The following SLC46A1 variants were observed in gnomAD, a reference collection of about 807,000 sequenced individuals.
SLC46A1 encodes the protein proton-coupled folate transporter.
SLC46A1 carries 17 observed loss-of-function variants against 32.1 expected under a neutral mutation model. The ratio of observed to expected loss-of-function variants is 0.53; its 90% CI spans 0.36 to 0.79. The LOEUF is 0.79. Ranked by LOEUF, SLC46A1 falls within the 30% of genes least tolerant of loss-of-function variation. SLC46A1 has a pLI of 0.00. For synonymous variants in SLC46A1, 240 were observed against 262.7 expected, an observed-to-expected ratio of 0.91 and a Z score of 0.84; for missense variants, 517 against 588.2, an observed-to-expected ratio of 0.88 and a Z score of 1.25.
At position 28,405,421 on chromosome 17, in the gene SLC46A1, G is replaced by A; in HGVS notation, c.276C>T (p.Gly92=). The stretch of plus-strand genomic sequence containing the variant: ...ACGAGAAGAGCCCCACCAGGAAGCC[G>A]CCCACGTTCATGTAGAGGGTCCAGT... ...TSHWTLYMNV[G]GFLVGLFSST... Residue 92 remains glycine, a synonymous_variant, in exon 2 of 5, where the codon GGC becomes GGT. Coordinates refer to ENST00000612814, the MANE Select transcript of SLC46A1 (RefSeq NM_080669.6). 6.3e-7 allele frequency: 1 copy of A among 1,592,508 alleles called. No individual in the cohort carries two copies. The highest frequency in any genetic ancestry group is 8.5e-7 in the Non-Finnish European group (1 of 1,170,288).
chr17:28,404,235 T>G (rs2068228040), intron 2 of SLC46A1: 1 of 244,718 alleles, frequency 4.1e-6, no homozygotes, highest in Non-Finnish European at 8.2e-6. Context: ...GTAGGTCCTG[T>G]GATTCTTATC....
intron 2 of SLC46A1, chr17:28,402,736 G>A (rs2068211785): frequency 1.2e-5 from 2 of 165,286 alleles, no homozygotes; most frequent in South Asian, 3.4e-4. Context: ...CTGACTCCCT[G>A]TATGAGGAAG....
chr17:28,403,189 C>G (rs2068217820), intron 2 of SLC46A1: 1 of 152,230 alleles, frequency 6.6e-6, no homozygotes, highest in Non-Finnish European at 1.5e-5. Flanking sequence ...CTTCTGGCCT[C>G]CAGAACTGTG....
In SLC46A1 at chr17:28,397,592, C is replaced by T. The variant is rs1268719254; in HGVS notation, c.*2064G>A. 2.0e-5 allele frequency: 3 copies of T among 152,244 alleles called. No individual in the cohort carries two copies. In the East Asian group the frequency reaches 5.8e-4, roughly 29 times the overall value. 9.4% of individuals were successfully genotyped at this position (152,244 alleles called of 1,614,324 possible). A position where few individuals can be genotyped will look rare whatever the true frequency, so the allele number is the denominator to read the frequency against. ...CCTAGGCCTCCTGGCACCCAGTCCA[C>T]TGGCAGTGGAATTGCTTTCCTGAGA... On this transcript the variant is annotated 3_prime_UTR_variant, in exon 5 of 5. Coordinates refer to ENST00000612814, the MANE Select transcript of SLC46A1 (RefSeq NM_080669.6).
rs572650603 is a variant in SLC46A1, at chr17:28,404,791, T to C, written c.906A>G (p.Lys302=). The C allele has an allele frequency of 2.9e-4, 467 of 1,613,854 alleles. 5 individuals carry two copies. In the South Asian group the frequency reaches 4.9e-3, roughly 17 times the overall value. The change falls in exon 2 of 5, where the codon AAA becomes AAG. Residue 302 remains lysine (K), a synonymous_variant. Coordinates refer to ENST00000612814, the MANE Select transcript of SLC46A1 (RefSeq NM_080669.6). ...GAGCTGCAGAACCATAGCCGATTAG[T>C]TTGGAGTCCCAGCAGAGGGGTGTGC... ...ELSTPLCWDS[K]LIGYGSAAQH...
chr17:28,405,961 T>A lies in SLC46A1; in HGVS notation c.154A>T (p.Ser52Cys). Reference protein sequence around the residue: ...LTTQYLWHRFSADLGYNGTRQ... With the variant: ...LTTQYLWHRFCADLGYNGTRQ... ...GTGCCATTGTAGCCGAGGTCGGCGCTGAAGCGGTGCCACAGATACTGCGTG... is the reference window on the plus strand; with the variant it reads ...GTGCCATTGTAGCCGAGGTCGGCGCAGAAGCGGTGCCACAGATACTGCGTG... Residue 52 changes from serine to cysteine, a missense_variant, in exon 1 of 5, where the codon AGC becomes TGC. Transcript: ENST00000612814. The A allele has an allele frequency of 6.2e-7, 1 of 1,611,626 alleles. No homozygotes were observed. Among genetic ancestry groups the A allele is most frequent in the Non-Finnish European group, 8.5e-7 (1 of 1,179,266 alleles).
rs1043294013 is a variant in SLC46A1 at position 28,395,625 on chromosome 17, C to G, written c.*4031G>C. ...TCTAGGCTACCCCCATAGCACCCCCCGGGCCCCCAGTGGGGAATCATCTCT... is the reference window on the plus strand; with the variant it reads ...TCTAGGCTACCCCCATAGCACCCCCGGGGCCCCCAGTGGGGAATCATCTCT... On this transcript the variant is annotated 3_prime_UTR_variant, in exon 5 of 5. Transcript: ENST00000612814. 5.5e-5 allele frequency: 21 copies of G among 379,220 alleles called. No individual in the cohort carries two copies. The highest frequency in any genetic ancestry group is 1.0e-4 in the Non-Finnish European group (21 of 204,688). 23.5% of individuals were successfully genotyped at this position (379,220 alleles called of 1,614,324 possible). A position where few individuals can be genotyped will look rare whatever the true frequency, so the allele number is the denominator to read the frequency against.
In SLC46A1 at chr17:28,395,634, A is replaced by C; in HGVS notation, c.*4022T>G. On this transcript the variant is annotated 3_prime_UTR_variant, in exon 5 of 5. Transcript: ENST00000612814. ...CCCCCATAGCACCCCCCGGGCCCCC[A>C]GTGGGGAATCATCTCTTTAGCATAC... The C allele has an allele frequency of 5.4e-6, 2 of 371,558 alleles. No homozygotes were observed. Among genetic ancestry groups the C allele is most frequent in the East Asian group, 1.1e-4 (2 of 18,650 alleles). The allele number at this position is 371,558 out of a possible 1,614,324, so 23.0% of individuals were successfully genotyped here.
rs886052753 is a variant in SLC46A1 at position 28,399,652 on chromosome 17, C to A, written c.*4G>T. On this transcript the variant is annotated 3_prime_UTR_variant, in exon 5 of 5. Coordinates refer to ENST00000612814, the MANE Select transcript of SLC46A1 (RefSeq NM_080669.6). ...CTTGCCCTCTGTCTTCTGGTCCAGG[C>A]AGATCAGGGGCTCTGGGGAAACTGC... is the stretch of plus-strand genomic sequence containing the variant. The A allele has an allele frequency of 6.2e-7, 1 of 1,613,982 alleles. No homozygotes were observed. The highest frequency in any genetic ancestry group is 1.6e-4 in the Middle Eastern group (1 of 6,062).
chr17:28,402,112 G>A, intron 3 of SLC46A1, 126 bp downstream of exon 3: 1 of 735,548 alleles, frequency 1.4e-6, no homozygotes, highest in Non-Finnish European at 2.2e-6. Context: ...TGTTTGTTTT[G>A]GCCACTTACT....
Position 28,405,894 on chromosome 17 carries a change from G to A in SLC46A1, c.221C>T (p.Thr74Ile), listed in dbSNP as rs2068255786. 1 of 1,591,504 alleles carries A rather than the reference G, an allele frequency of 6.3e-7. No homozygotes were observed. Among genetic ancestry groups the A allele is most frequent in the South Asian group, 1.1e-5 (1 of 87,830 alleles). The change falls in exon 1 of 5, where the codon ACC (threonine) becomes ATC (isoleucine). Residue 74 changes from threonine (T) to isoleucine (I), a missense_variant. Physicochemically the swap from Thr to Ile is moderately conservative, Grantham distance 89. Coordinates refer to ENST00000612814, the MANE Select transcript of SLC46A1 (RefSeq NM_080669.6). ...GGCSNRSADP[T>I]MQEVETLTSH... The stretch of plus-strand genomic sequence containing the variant: ...TCCTCGCCGCCCCGCTACCTGCATG[G>A]TGGGGTCCGCGCTGCGGTTGCTGCA...
In SLC46A1 at chr17:28,400,783, A is replaced by G. The variant is rs781817639; in HGVS notation, c.1166-17T>C. ...AGAGAGCACCTGTGAAGAAATAAAT[A>G]CCATACTCTGGAGTCCGAAAGGGCC... On this transcript the variant is annotated splice_polypyrimidine_tract_variant and intron_variant, in intron 3 of 4. Transcript: ENST00000612814. 28 of 1,553,080 alleles carry G rather than the reference A, an allele frequency of 1.8e-5. No homozygotes were observed. The highest frequency in any genetic ancestry group is 2.1e-5 in the Non-Finnish European group (24 of 1,148,394).
chr17:28,405,957 G>A lies in SLC46A1; in HGVS notation c.158C>T (p.Ala53Val), dbSNP rs41297069. The stretch of plus-strand genomic sequence containing the variant: ...GCGGGTGCCATTGTAGCCGAGGTCG[G>A]CGCTGAAGCGGTGCCACAGATACTG... Reference protein sequence around the residue: ...TTQYLWHRFSADLGYNGTRQR... With the variant: ...TTQYLWHRFSVDLGYNGTRQR... Residue 53 changes from alanine (A) to valine (V), a missense_variant, in exon 1 of 5, where the codon GCC becomes GTC. Transcript: ENST00000612814. The A allele has an allele frequency of 1.7e-4, 276 of 1,611,536 alleles. No individual in the cohort carries two copies. In the African/African-American group the frequency reaches 3.3e-3, roughly 19 times the overall value.
In SLC46A1 at chr17:28,395,856, T is replaced by C; in HGVS notation, c.*3800A>G. Reference sequence around the variant, plus strand: ...CCCAGCACCTGCCTGGCTACAAGGGTCCCTAGATGGGTACAGGGGTATCTT... The same window carrying C: ...CCCAGCACCTGCCTGGCTACAAGGGCCCCTAGATGGGTACAGGGGTATCTT... On this transcript the variant is annotated 3_prime_UTR_variant, in exon 5 of 5. Coordinates refer to ENST00000612814, the MANE Select transcript of SLC46A1 (RefSeq NM_080669.6). 1 of 1,606,534 alleles carries C rather than the reference T, an allele frequency of 6.2e-7. No individual in the cohort carries two copies. The highest frequency in any genetic ancestry group is 1.1e-5 in the South Asian group (1 of 90,956).
chr17:28,406,287 C>T (rs1555591444), upstream of SLC46A1: 1 of 486,354 alleles, frequency 2.1e-6, no homozygotes, highest in East Asian at 3.8e-5. The surrounding 1 kb of genome is among the most constrained non-coding windows in gnomAD (Gnocchi z 4.5). Context: ...GGACTCTCGC[C>T]GCGGGTGCAC....
rs2239911 is a variant in SLC46A1, at chr17:28,396,594, G to T, written c.*3062C>A. On this transcript the variant is annotated 3_prime_UTR_variant, in exon 5 of 5. Transcript: ENST00000612814. ...CTGGAGACACTGGAGTTGGGGTGGG[G>T]GTGGTTCTGCATTCCCTTCTCCTGC... The T allele has an allele frequency of 0.55, 201,661 of 369,682 alleles. 56,014 individuals carry two copies. The highest frequency in any genetic ancestry group is 0.74 in the East Asian group (14,726 of 19,794). 22.9% of individuals were successfully genotyped at this position (369,682 alleles called of 1,614,324 possible). A position where few individuals can be genotyped will look rare whatever the true frequency, so the allele number is the denominator to read the frequency against.
chr17:28,405,811 C>T lies in SLC46A1; in HGVS notation c.228+76G>A, dbSNP rs565385851. 118 of 1,431,996 alleles carry T rather than the reference C, an allele frequency of 8.2e-5. No individual in the cohort carries two copies. In the East Asian group the frequency reaches 2.4e-3, roughly 29 times the overall value. The allele number at this position is 1,431,996 out of a possible 1,614,324, so 88.7% of individuals were successfully genotyped here. On this transcript the variant is annotated intron_variant, in intron 1 of 4. Coordinates refer to ENST00000612814, the MANE Select transcript of SLC46A1 (RefSeq NM_080669.6). ...CCAGTTACCCGCCACTACCATTACG[C>T]AGGCCCCGCCCCTCCGCTGCCCCCA...
chr17:28,399,609 G>C lies in SLC46A1; in HGVS notation c.*47C>G. ...TCCAGCTGCAGACCTCCAGTTGCTTGGTGTTCACTTTGCTCCTCTTGCCCT... is the reference window on the plus strand; with the variant it reads ...TCCAGCTGCAGACCTCCAGTTGCTTCGTGTTCACTTTGCTCCTCTTGCCCT... On this transcript the variant is annotated 3_prime_UTR_variant, in exon 5 of 5. Transcript: ENST00000612814. The C allele has an allele frequency of 1.3e-6, 2 of 1,599,346 alleles. No homozygotes were observed. The highest frequency in any genetic ancestry group is 8.6e-7 in the Non-Finnish European group (1 of 1,166,904).
Position 28,398,921 on chromosome 17 carries a change from A to G in SLC46A1, c.*735T>C, listed in dbSNP as rs2068162438. 6.6e-6 allele frequency: 1 copy of G among 152,272 alleles called. No individual in the cohort carries two copies. The highest frequency in any genetic ancestry group is 2.4e-5 in the African/African-American group (1 of 41,456). 9.4% of individuals were successfully genotyped at this position (152,272 alleles called of 1,614,324 possible). A position where few individuals can be genotyped will look rare whatever the true frequency, so the allele number is the denominator to read the frequency against. On this transcript the variant is annotated 3_prime_UTR_variant, in exon 5 of 5. Transcript: ENST00000612814. ...TGGCCCCACTTGGTACCAATCCACC[A>G]GGCAGCTCAGGGCTCCTGCCCAGCC...
Sources: allele counts gnomAD v4.1 joint callset, GRCh38; gene constraint gnomAD v4.1.1; non-coding constraint Gnocchi (gnomAD v3.1); transcripts MANE v1.5; gene names NCBI Gene and HGNC (gene_info 2026-07-23, HGNC 2026-07-21).